The following RSF1 variants were observed in gnomAD, a reference collection of about 807,000 sequenced individuals.
The protein encoded by RSF1 is remodeling and spacing factor 1, also known as HBV pX-associated protein 8.
A neutral mutation model predicts 145.2 loss-of-function variants in RSF1; 13 were observed. The ratio of observed to expected loss-of-function variants is 0.09; its 90% CI spans 0.06 to 0.14. RSF1 has a LOEUF of 0.14. Ranked by LOEUF, RSF1 falls within the 10% of genes least tolerant of loss-of-function variation. The probability of loss-of-function intolerance (pLI) is 1.00; values close to 1 mark genes in which losing one functional copy is unlikely to be tolerated. For missense variants in RSF1, 1,517 were observed against 1,718.2 expected (o/e 0.88, Z 2.07); for synonymous variants, 577 against 592.6 (o/e 0.97, Z 0.38).
chr11:77,842,401 G>C, the RSF1 span: 1 of 1,331,282 alleles, frequency 7.5e-7, no homozygotes, highest in Non-Finnish European at 1.0e-6. Context: ...GGAGAATCAG[G>C]GCTTAGTATC....
At chr11:77,799,770 C>T (rs1175528997) in intron 1 of RSF1, among the ~76,000 whole-genome samples, 1 of 152,056 alleles carries the variant, frequency 6.6e-6, no homozygotes, top group East Asian at 1.9e-4. Flanking sequence ...TTTAACTAGA[C>T]TGATGAAGAA....
At position 77,740,944 on chromosome 11, in the gene RSF1, A is replaced by G; in HGVS notation, c.373-8T>C. 1.9e-6 allele frequency: 3 copies of G among 1,600,522 alleles called. No individual in the cohort carries two copies. The highest frequency in any genetic ancestry group is 2.6e-6 in the Non-Finnish European group (3 of 1,168,302). On this transcript the variant is annotated splice_region_variant and splice_polypyrimidine_tract_variant and intron_variant, in intron 3 of 15. Coordinates refer to ENST00000308488, the MANE Select transcript of RSF1 (RefSeq NM_016578.4). ...CTGACACTCACAGAGGTACTGAAAA[A>G]TAGTCATAACATGACTTAAAATACC...
chr11:77,719,336 CA>C (rs796540769), intron 5 of RSF1, among the ~76,000 whole-genome samples: 25 of 152,198 alleles, frequency 1.6e-4, no homozygotes, highest in African/African-American at 5.8e-4. Flanking sequence ...TTTGTTATTC[CA>C]AAATTGATAA....
rs931789824 is a variant in RSF1 at position 77,723,633 on chromosome 11, G to A, written c.733+1912C>T. ...AATCAACATTTCGGCTAAAAGCAATGCTTAATACATAGGAACATTATTATA... is the reference window on the plus strand; with the variant it reads ...AATCAACATTTCGGCTAAAAGCAATACTTAATACATAGGAACATTATTATA... On this transcript the variant is annotated intron_variant, in intron 5 of 15. Transcript: ENST00000308488. Among the ~76,000 whole-genome samples the A allele has an allele frequency of 8.5e-5, 13 of 152,324 alleles. No individual in the cohort carries two copies. The East Asian group carries it at 2.5e-3, about 29-fold the overall frequency.
chr11:77,717,712 C>T (rs1342233409), intron 5 of RSF1: 1 of 152,122 alleles, frequency 6.6e-6, no homozygotes, highest in African/African-American at 2.4e-5. Context: ...ATGCCATGTT[C>T]CACTTTTAAT....
chr11:77,677,369 A>G (rs568145241), intron 12 of RSF1, among the ~76,000 whole-genome samples: 45 of 152,350 alleles, frequency 3.0e-4, no homozygotes, highest in Non-Finnish European at 4.7e-4. Flanking sequence ...AAGAAACCTC[A>G]TACCTATGAG....
intron 5 of RSF1, among the ~76,000 whole-genome samples, chr11:77,724,964 T>C (rs563501346): frequency 6.6e-6 from 1 of 152,344 alleles, no homozygotes; most frequent in South Asian, 2.1e-4. Context: ...GAAGACACTA[T>C]GCTATGTGAA....
chr11:77,740,856 G>T lies in RSF1; in HGVS notation c.453C>A (p.Leu151=). ...CATCTTTGTCTCGACCAATTGGCTG[G>T]AGACGCATAGTATCGGCATCCTCCT... is the stretch of plus-strand genomic sequence containing the variant. ...INEEDADTMR[L]QPIGRDKDGL... is the part of the protein sequence containing the mutation. The change falls in exon 4 of 16, where the codon CTC becomes CTA. Residue 151 remains leucine, a synonymous_variant. Coordinates refer to ENST00000308488, the MANE Select transcript of RSF1 (RefSeq NM_016578.4). 6.2e-7 allele frequency: 1 copy of T among 1,614,130 alleles called. No homozygotes were observed. The highest frequency in any genetic ancestry group is 8.5e-7 in the Non-Finnish European group (1 of 1,179,970).
At chr11:77,694,289 T>A (rs1187710078) in intron 7 of RSF1, among the ~76,000 whole-genome samples, 1 of 152,120 alleles carries the variant, frequency 6.6e-6, no homozygotes, top group East Asian at 1.9e-4. Context: ...CACAAAAAAT[T>A]TCCATTTTAA....
the RSF1 span, among the ~76,000 whole-genome samples, chr11:77,855,936 G>C: frequency 6.6e-6 from 1 of 151,936 alleles, no homozygotes; most frequent in Non-Finnish European, 1.5e-5. Flanking sequence ...TGGGCAACAT[G>C]GCAAAACCCT....
At chr11:77,741,409 G>A (rs1315878108) in intron 3 of RSF1, among the ~76,000 whole-genome samples, 7 of 152,062 alleles carry the variant, frequency 4.6e-5, no homozygotes, top group Admixed American at 4.6e-4. Flanking sequence ...CAGGTATGGT[G>A]GTGCACGCCT....
At chr11:77,672,276 T>C (rs745607829) in intron 14 of RSF1, 46 bp from the exon 15 acceptor site, 8 of 1,453,180 alleles carry the variant, frequency 5.5e-6, no homozygotes, top group Non-Finnish European at 7.5e-6. Context: ...TAAGTCTATT[T>C]AGAAATGTAG....
intron 1 of RSF1, among the ~76,000 whole-genome samples, chr11:77,782,810 A>T (rs1590884412): frequency 1.3e-5 from 2 of 152,244 alleles, no homozygotes; most frequent in Non-Finnish European, 2.9e-5. Flanking sequence ...CACTTTTAAC[A>T]GACACTATTG....
At chr11:77,869,667 A>C in the RSF1 span, 1 of 1,479,310 alleles carries the variant, frequency 6.8e-7, no homozygotes, top group Non-Finnish European at 9.4e-7. Flanking sequence ...AAGAATGCCT[A>C]TTGCAATGAA....
At chr11:77,773,953 G>A (rs144288027) in intron 1 of RSF1, among the ~76,000 whole-genome samples, 5 of 151,800 alleles carry the variant, frequency 3.3e-5, no homozygotes, top group Admixed American at 6.6e-5. Flanking sequence ...GTGTAATATC[G>A]ACAACAACAA....
At position 77,700,630 on chromosome 11, in the gene RSF1, T is replaced by C. The variant is rs1307156596; in HGVS notation, c.2508+91A>G. On this transcript the variant is annotated intron_variant, in intron 6 of 15. Transcript: ENST00000308488. ...CAGAGGAAGAAAGATACTTTGTCAG[T>C]TGTCTTTGATGACTAAGTTTTAGAC... 3.5e-6 allele frequency: 3 copies of C among 869,492 alleles called. No homozygotes were observed. In the African/African-American group the frequency reaches 5.1e-5, roughly 15 times the overall value. The allele number at this position is 869,492 out of a possible 1,614,324, so 53.9% of individuals were successfully genotyped here.
intron 5 of RSF1, among the ~76,000 whole-genome samples, chr11:77,708,817 T>A (rs1960612922): frequency 6.6e-6 from 1 of 152,160 alleles, no homozygotes; most frequent in African/African-American, 2.4e-5. Flanking sequence ...TCCCCACTCA[T>A]TCTGCTTCAG....
intron 6 of RSF1, 27 bp from the exon 7 acceptor site, chr11:77,698,720 T>A: frequency 1.3e-6 from 2 of 1,571,606 alleles, no homozygotes; most frequent in Non-Finnish European, 1.8e-6. Flanking sequence ...AAAATTGGGA[T>A]AATTTGATAT....
At chr11:77,748,876 A>G (rs547804518) in intron 2 of RSF1, among the ~76,000 whole-genome samples, 1 of 152,368 alleles carries the variant, frequency 6.6e-6, no homozygotes, top group African/African-American at 2.4e-5. Flanking sequence ...TGTTCCTCGC[A>G]GTATTATTCA....
Sources: gnomAD v4.1 joint callset for allele counts (sites outside exome capture counted in the v4.1 genomes callset) on GRCh38, gnomAD v4.1.1 for gene constraint, MANE v1.5 for transcripts, NCBI Gene and HGNC (gene_info 2026-07-23, HGNC 2026-07-21) for gene names.